The following KIF16B variants were observed in gnomAD, a reference collection of about 807,000 sequenced individuals.
The protein encoded by KIF16B is kinesin family member 16B, also known as kinesin-like protein KIF16B.
A neutral mutation model predicts 156.3 loss-of-function variants in KIF16B; 98 were observed. The ratio of observed to expected loss-of-function variants is 0.63; its 90% CI spans 0.53 to 0.74. KIF16B has a LOEUF of 0.74. Among genes scored for constraint, KIF16B ranks in the 30% least tolerant of loss-of-function variants. The pLI, the probability that KIF16B is intolerant of heterozygous loss-of-function variation, is 0.00. For missense variants in KIF16B, 1,421 were observed against 1,606.5 expected (o/e 0.88, Z 1.97); for synonymous variants, 564 against 583.7 (o/e 0.97, Z 0.49).
At chr20:16,431,575 C>T (rs1053149739) in intron 12 of KIF16B, among the ~76,000 whole-genome samples, 15 of 152,222 alleles carry the variant, frequency 9.9e-5, no homozygotes, top group Middle Eastern at 3.4e-3. Context: ...TGGACTGCGG[C>T]ACAGTTGTCA....
intron 17 of KIF16B, among the ~76,000 whole-genome samples, chr20:16,388,310 C>G (rs2146139336): frequency 6.6e-6 from 1 of 152,240 alleles, no homozygotes; most frequent in East Asian, 1.9e-4. Context: ...CAAAATGCAC[C>G]TATTTCCATA....
intron 3 of KIF16B, among the ~76,000 whole-genome samples, chr20:16,519,693 A>G (rs6044056): frequency 0.24 from 36,309 of 152,212 alleles, 4,960 homozygotes; most frequent in East Asian, 0.36. Flanking sequence ...CACATTTCAA[A>G]CTGCAAGAAA....
At chr20:16,493,309 T>A (rs2068353253) in intron 12 of KIF16B, among the ~76,000 whole-genome samples, 1 of 152,126 alleles carries the variant, frequency 6.6e-6, no homozygotes, top group Admixed American at 6.5e-5. Flanking sequence ...GAACATTACA[T>A]AATATAATGC....
At chr20:16,440,989 G>C (rs2066785044) in intron 12 of KIF16B, among the ~76,000 whole-genome samples, 2 of 152,132 alleles carry the variant, frequency 1.3e-5, no homozygotes, top group South Asian at 4.1e-4. Context: ...AAATATGCAA[G>C]AGCAAATTTC....
intron 12 of KIF16B, among the ~76,000 whole-genome samples, chr20:16,470,234 T>C (rs2067621641): frequency 6.6e-6 from 1 of 152,192 alleles, no homozygotes; most frequent in South Asian, 2.1e-4. Flanking sequence ...GCAGTGAAAC[T>C]ATTCTTTATG....
intron 12 of KIF16B, among the ~76,000 whole-genome samples, chr20:16,454,093 T>G (rs957138969): frequency 2.6e-5 from 4 of 152,130 alleles, no homozygotes; most frequent in African/African-American, 9.7e-5. Context: ...CATAATAATG[T>G]ACCGTGCACT....
intron 2 of KIF16B, among the ~76,000 whole-genome samples, chr20:16,526,843 A>C (rs1047049784): frequency 1.3e-5 from 2 of 152,202 alleles, no homozygotes; most frequent in Admixed American, 1.3e-4. Context: ...TATGCTGAAT[A>C]ACTTCAATGA....
At chr20:16,319,232 A>G (rs1259069322) in intron 24 of KIF16B, among the ~76,000 whole-genome samples, 1 of 152,244 alleles carries the variant, frequency 6.6e-6, no homozygotes, top group African/African-American at 2.4e-5. Context: ...AAGTATAGAC[A>G]TTAGTTAATA....
intron 12 of KIF16B, among the ~76,000 whole-genome samples, chr20:16,451,354 C>G (rs2067076124): frequency 6.6e-6 from 1 of 152,020 alleles, no homozygotes; most frequent in South Asian, 2.1e-4. Flanking sequence ...GCTCCTCTAG[C>G]CACTTGGAAA....
At chr20:16,475,808 C>A (rs182101620) in intron 12 of KIF16B, among the ~76,000 whole-genome samples, 4 of 152,074 alleles carry the variant, frequency 2.6e-5, no homozygotes, top group African/African-American at 9.7e-5. Context: ...TACCTAAGAC[C>A]CAATTTTCAA....
intron 12 of KIF16B, among the ~76,000 whole-genome samples, chr20:16,430,752 G>A (rs1340303969): frequency 6.6e-6 from 1 of 151,568 alleles, no homozygotes; most frequent in Admixed American, 6.6e-5. Context: ...CCATCTAGAT[G>A]CTGATGACTC....
intron 1 of KIF16B, among the ~76,000 whole-genome samples, chr20:16,533,020 A>G (rs979819397): frequency 2.6e-5 from 4 of 152,188 alleles, no homozygotes; most frequent in Non-Finnish European, 5.9e-5. Context: ...ATTCTATAAA[A>G]GCACTAAGTG....
intron 12 of KIF16B, among the ~76,000 whole-genome samples, chr20:16,477,318 T>C (rs183806701): frequency 2.0e-5 from 3 of 151,836 alleles, no homozygotes; most frequent in African/African-American, 7.2e-5. Flanking sequence ...CTAAGATCTC[T>C]CTAAACCTTG....
chr20:16,328,676 C>G (rs1029614137), intron 24 of KIF16B, among the ~76,000 whole-genome samples: 6 of 152,134 alleles, frequency 3.9e-5, no homozygotes, highest in African/African-American at 1.4e-4. Flanking sequence ...ATACCTTAGA[C>G]TGGGTAATTT....
In KIF16B at chr20:16,392,816, A is replaced by G. The variant is rs78424128; in HGVS notation, c.1785-11069T>C. ...ACATTTCCCTCCTTATTCCTCCCCAAGTTGCTTTAATTTAAGCAGCAGTTG... is the reference window on the plus strand; with the variant it reads ...ACATTTCCCTCCTTATTCCTCCCCAGGTTGCTTTAATTTAAGCAGCAGTTG... On this transcript the variant is annotated intron_variant, in intron 17 of 25. Transcript: ENST00000354981. Among the ~76,000 whole-genome samples the G allele has an allele frequency of 3.3e-5, 5 of 152,134 alleles. No homozygotes were observed. In the East Asian group the frequency reaches 5.8e-4, roughly 18 times the overall value.
chr20:16,561,811 C>A (rs1319269071), intron 1 of KIF16B, among the ~76,000 whole-genome samples: 1 of 152,182 alleles, frequency 6.6e-6, no homozygotes, highest in Non-Finnish European at 1.5e-5. Flanking sequence ...TCAGAGAAAG[C>A]CACACTGAGA....
At chr20:16,281,708 T>G (rs2122337285) in intron 25 of KIF16B, among the ~76,000 whole-genome samples, 1 of 152,270 alleles carries the variant, frequency 6.6e-6, no homozygotes, top group East Asian at 1.9e-4. Flanking sequence ...GCGCAGTCAC[T>G]GCACACGTGT....
chr20:16,355,884 G>A (rs1239394050), intron 23 of KIF16B, among the ~76,000 whole-genome samples: 1 of 152,186 alleles, frequency 6.6e-6, no homozygotes, highest in Non-Finnish European at 1.5e-5. Flanking sequence ...GCCACAAGAT[G>A]CACACTTTAT....
chr20:16,547,740 A>T (rs1415454881), intron 1 of KIF16B, among the ~76,000 whole-genome samples: 1 of 152,222 alleles, frequency 6.6e-6, no homozygotes, highest in African/African-American at 2.4e-5. Context: ...AAACACATGC[A>T]TTATTTTCAT....
Sources: allele counts gnomAD v4.1 joint callset (sites outside exome capture counted in the v4.1 genomes callset), GRCh38; gene constraint gnomAD v4.1.1; transcripts MANE v1.5; gene names NCBI Gene and HGNC (gene_info 2026-07-23, HGNC 2026-07-21).